MGAT4C: variants seen among roughly 807,000 people sequenced by gnomAD.
The protein encoded by MGAT4C is alpha-1,3-mannosyl-glycoprotein 4-beta-N-acetylglucosaminyltransferase C.
A neutral mutation model predicts 40.1 loss-of-function variants in MGAT4C; 19 were observed. The ratio of observed to expected loss-of-function variants is 0.47; its 90% CI spans 0.33 to 0.70. MGAT4C has a LOEUF of 0.70. Among genes scored for constraint, MGAT4C ranks in the 30% least tolerant of loss-of-function variants. MGAT4C has a pLI of 0.02. For synonymous variants in MGAT4C, 181 were observed against 187.1 expected (o/e 0.97, Z 0.27); for missense variants, 491 against 563.2 (o/e 0.87, Z 1.30).
chr12:86,619,704 T>C (rs1047850061), intron 2 of MGAT4C, among the ~76,000 whole-genome samples: 4 of 152,112 alleles, frequency 2.6e-5, no homozygotes, highest in Non-Finnish European at 5.9e-5. Flanking sequence ...TTTTGAAAGA[T>C]ACTCTTAGTA....
chr12:85,986,218 G>A (rs1885182895), intron 3 of MGAT4C, among the ~76,000 whole-genome samples: 1 of 152,100 alleles, frequency 6.6e-6, no homozygotes, highest in Admixed American at 6.6e-5. Flanking sequence ...GAACAGCCAG[G>A]CTCTCCCTGG....
At chr12:86,563,875 C>A (rs979747407) in intron 2 of MGAT4C, among the ~76,000 whole-genome samples, 14 of 152,116 alleles carry the variant, frequency 9.2e-5, no homozygotes, top group Admixed American at 6.6e-4. Flanking sequence ...TGGTCATTTC[C>A]CCAGTGCCAG....
At chr12:85,997,501 A>G (rs1183810517) in intron 2 of MGAT4C, among the ~76,000 whole-genome samples, 1 of 152,198 alleles carries the variant, frequency 6.6e-6, no homozygotes, top group Non-Finnish European at 1.5e-5. Context: ...AAGTACCTTC[A>G]GCCTATGAGA....
chr12:86,471,060 C>T (rs928527029), intron 2 of MGAT4C, among the ~76,000 whole-genome samples: 4 of 151,806 alleles, frequency 2.6e-5, no homozygotes, highest in East Asian at 1.9e-4. Context: ...AGAAAATTAT[C>T]AGGTGAAGGT....
chr12:86,505,093 C>CT (rs1246350546), intron 2 of MGAT4C, among the ~76,000 whole-genome samples: 1 of 152,082 alleles, frequency 6.6e-6, no homozygotes, highest in Non-Finnish European at 1.5e-5. Flanking sequence ...GGTCAAGTAT[C>CT]TGCCAGTGAT....
At chr12:86,206,509 G>A (rs1160759105) in intron 1 of MGAT4C, among the ~76,000 whole-genome samples, 1 of 152,102 alleles carries the variant, frequency 6.6e-6, no homozygotes, top group Non-Finnish European at 1.5e-5. Context: ...AGGATAGACG[G>A]TATTTCAGTG....
chr12:86,286,544 A>G (rs78765113), intron 4 of MGAT4C, among the ~76,000 whole-genome samples: 2,994 of 152,270 alleles, frequency 0.02, 42 homozygotes, highest in Non-Finnish European at 0.029. Context: ...AAAATTGAAT[A>G]TTCATGACAG....
At chr12:86,618,796 A>G (rs1007198627) in intron 2 of MGAT4C, among the ~76,000 whole-genome samples, 1 of 152,156 alleles carries the variant, frequency 6.6e-6, no homozygotes, top group Non-Finnish European at 1.5e-5. Flanking sequence ...AATATATTGT[A>G]TATTTGAAGA....
intron 1 of MGAT4C, among the ~76,000 whole-genome samples, chr12:86,101,413 C>T (rs1875028780): frequency 6.6e-6 from 1 of 151,744 alleles, no homozygotes; most frequent in Non-Finnish European, 1.5e-5. Flanking sequence ...TTCTTAACTG[C>T]TGCTTGAAAT....
chr12:86,805,105 T>G (rs1369974157), intron 1 of MGAT4C, among the ~76,000 whole-genome samples: 52 of 152,058 alleles, frequency 3.4e-4, no homozygotes, highest in Admixed American at 3.3e-3. Flanking sequence ...ATATTAATAT[T>G]GTTTATGAAT....
At chr12:86,223,003 C>G (rs1252328312) in intron 1 of MGAT4C, among the ~76,000 whole-genome samples, 1 of 152,156 alleles carries the variant, frequency 6.6e-6, no homozygotes, top group East Asian at 1.9e-4. Context: ...ACAGAGGGAG[C>G]TGCCTAGAGA....
chr12:86,495,788 G>A (rs1958224882), intron 2 of MGAT4C, among the ~76,000 whole-genome samples: 1 of 151,978 alleles, frequency 6.6e-6, no homozygotes, highest in Non-Finnish European at 1.5e-5. Context: ...TCCTTCCTCA[G>A]TAACTCATAA....
At chr12:86,806,234 C>A (rs961025848) in intron 1 of MGAT4C, among the ~76,000 whole-genome samples, 1 of 151,634 alleles carries the variant, frequency 6.6e-6, no homozygotes, top group African/African-American at 2.4e-5. Flanking sequence ...ATTATGTACT[C>A]TTTTATTAGA....
At chr12:86,401,107 G>A (rs567177013) in intron 3 of MGAT4C, among the ~76,000 whole-genome samples, 34 of 151,840 alleles carry the variant, frequency 2.2e-4, no homozygotes, top group Admixed American at 4.6e-4. Context: ...AAATTAATTT[G>A]GTTAATAATA....
At chr12:86,768,197 A>G (rs1311691020) in intron 1 of MGAT4C, among the ~76,000 whole-genome samples, 1 of 152,186 alleles carries the variant, frequency 6.6e-6, no homozygotes, top group East Asian at 1.9e-4. Context: ...ATGTACAAAA[A>G]TCACAAGAAT....
intron 2 of MGAT4C, among the ~76,000 whole-genome samples, chr12:86,695,905 A>C (rs1225824253): frequency 6.6e-6 from 1 of 152,098 alleles, no homozygotes; most frequent in Non-Finnish European, 1.5e-5. Context: ...TTAATTGTAC[A>C]TTTTAAAATA....
At chr12:86,537,947 C>T (rs1188853220) in intron 2 of MGAT4C, among the ~76,000 whole-genome samples, 16 of 151,884 alleles carry the variant, frequency 1.1e-4, no homozygotes, top group African/African-American at 2.7e-4. Flanking sequence ...ATTAGCCAGG[C>T]GTGGTGGTGG....
chr12:85,998,305 G>A (rs1308051250), intron 2 of MGAT4C, among the ~76,000 whole-genome samples: 1 of 152,110 alleles, frequency 6.6e-6, no homozygotes, highest in Non-Finnish European at 1.5e-5. Context: ...ACCTGTGATG[G>A]AAGGGGCTGC....
chr12:86,082,003 G>T (rs1870926046), intron 1 of MGAT4C, among the ~76,000 whole-genome samples: 1 of 152,138 alleles, frequency 6.6e-6, no homozygotes, highest in African/African-American at 2.4e-5. Context: ...ATACTGTCTA[G>T]GGACCCCTTG....
Sources: allele counts gnomAD v4.1 joint callset (sites outside exome capture counted in the v4.1 genomes callset), GRCh38; gene constraint gnomAD v4.1.1; transcripts MANE v1.5; gene names NCBI Gene and HGNC (gene_info 2026-07-23, HGNC 2026-07-21).